Variants in B3GALT1 observed in about 807,000 individuals in gnomAD.
B3GALT1 encodes UDP-Gal:betaGlcNAc beta 1,3-galactosyltransferase, polypeptide 1.
B3GALT1 carries 10 observed loss-of-function variants against 23.2 expected under a neutral mutation model. The observed-to-expected ratio is 0.43, with a 90% CI of 0.27 to 0.73. B3GALT1 has a LOEUF of 0.73. Among genes scored for constraint, B3GALT1 ranks in the 30% least tolerant of loss-of-function variants. The probability of loss-of-function intolerance (pLI) is 0.21; values close to 1 mark genes in which losing one functional copy is unlikely to be tolerated. For synonymous variants in B3GALT1, 156 were observed against 141.5 expected (o/e 1.10, Z -0.73); for missense variants, 299 against 405.4 (o/e 0.74, Z 2.25).
chr2:167,558,031 A>G (rs575426598), intron 2 of B3GALT1: 9 of 152,322 alleles, frequency 5.9e-5, no homozygotes, highest in Admixed American at 4.6e-4. Flanking sequence ...TTGCTTCTGG[A>G]CTGGTGGTCA....
intron 1 of B3GALT1, among the ~76,000 whole-genome samples, chr2:167,385,239 C>T (rs1294669222): frequency 6.6e-6 from 1 of 152,148 alleles, no homozygotes; most frequent in East Asian, 1.9e-4. Context: ...CTTCCACCTA[C>T]TCTGTTTGTC....
At chr2:167,472,132 C>G (rs1448339510) in intron 1 of B3GALT1, among the ~76,000 whole-genome samples, 13 of 152,116 alleles carry the variant, frequency 8.5e-5, no homozygotes, top group Non-Finnish European at 5.9e-5. Context: ...ATGTTTGGCT[C>G]TTCAGGAATC....
At chr2:167,535,200 T>C (rs1030782415) in intron 2 of B3GALT1, among the ~76,000 whole-genome samples, 23 of 152,280 alleles carry the variant, frequency 1.5e-4, no homozygotes, top group Non-Finnish European at 1.9e-4. Context: ...CATAGAGTTA[T>C]AGATTTTTTT....
chr2:167,746,631 A>G (rs1687656968), intron 3 of B3GALT1, among the ~76,000 whole-genome samples: 1 of 152,266 alleles, frequency 6.6e-6, no homozygotes, highest in South Asian at 2.1e-4. Context: ...GCAATGACAA[A>G]TTGGTCATAC....
At chr2:167,482,733 G>A (rs535812232) in intron 1 of B3GALT1, among the ~76,000 whole-genome samples, 65 of 152,208 alleles carry the variant, frequency 4.3e-4, no homozygotes, top group East Asian at 5.8e-4. Context: ...CCAACTGCTA[G>A]GGAGGCTGAG....
chr2:167,563,182 GTGGTGGCC>G (rs1684049907), intron 2 of B3GALT1, among the ~76,000 whole-genome samples: 1 of 151,758 alleles, frequency 6.6e-6, no homozygotes, highest in African/African-American at 2.4e-5. Context: ...CCCAGACAGG[GTGGTGGCC>G]GGGCAGAGGG....
At chr2:167,483,154 G>A (rs960079793) in intron 1 of B3GALT1, among the ~76,000 whole-genome samples, 2 of 151,530 alleles carry the variant, frequency 1.3e-5, no homozygotes, top group African/African-American at 2.4e-5. Context: ...TTAGCTGGGC[G>A]TGGTGACGCA....
At chr2:167,309,160 G>C (rs1696598252) in intron 1 of B3GALT1, among the ~76,000 whole-genome samples, 1 of 152,056 alleles carries the variant, frequency 6.6e-6, no homozygotes, top group South Asian at 2.1e-4. Flanking sequence ...AGCAGAGACT[G>C]TTAAAAGTAA....
intron 3 of B3GALT1, among the ~76,000 whole-genome samples, chr2:167,649,583 AC>A (rs1375896969): frequency 6.6e-6 from 1 of 152,048 alleles, no homozygotes; most frequent in Non-Finnish European, 1.5e-5. Context: ...CTTTTACTTA[AC>A]ATCATGTTTT....
chr2:167,724,646 C>T (rs553291224), intron 3 of B3GALT1, among the ~76,000 whole-genome samples: 10 of 152,200 alleles, frequency 6.6e-5, no homozygotes, highest in African/African-American at 2.4e-4. Context: ...AGAAGCAATA[C>T]ATTCATTATA....
intron 3 of B3GALT1, among the ~76,000 whole-genome samples, chr2:167,758,028 C>T (rs533190268): frequency 3.0e-4 from 45 of 152,206 alleles, no homozygotes; most frequent in Non-Finnish European, 5.4e-4. Flanking sequence ...TTTAGCTTCT[C>T]TTTTAGCACT....
At chr2:167,418,975 C>T (rs1478067367) in intron 1 of B3GALT1, among the ~76,000 whole-genome samples, 6 of 152,214 alleles carry the variant, frequency 3.9e-5, no homozygotes, top group Non-Finnish European at 8.8e-5. Context: ...CACTTAGCCC[C>T]AGGCTGCTTC....
At chr2:167,406,483 C>T (rs992527153) in intron 1 of B3GALT1, among the ~76,000 whole-genome samples, 6 of 152,096 alleles carry the variant, frequency 3.9e-5, no homozygotes, top group African/African-American at 9.7e-5. Flanking sequence ...ATCCACAATG[C>T]CCCTCCCCCA....
At chr2:167,729,148 A>G (rs768756092) in intron 3 of B3GALT1, among the ~76,000 whole-genome samples, 11 of 152,198 alleles carry the variant, frequency 7.2e-5, no homozygotes, top group Admixed American at 1.3e-4. Context: ...ATGATGGGGA[A>G]AGTCCTGGAC....
chr2:167,740,583 A>G (rs1447017659), intron 3 of B3GALT1, among the ~76,000 whole-genome samples: 3 of 152,206 alleles, frequency 2.0e-5, no homozygotes, highest in Admixed American at 1.3e-4. Flanking sequence ...CATTATAGGA[A>G]TGGCCCACAT....
chr2:167,531,910 A>C (rs1015098569), intron 2 of B3GALT1, among the ~76,000 whole-genome samples: 3 of 152,100 alleles, frequency 2.0e-5, no homozygotes, highest in Admixed American at 1.3e-4. Flanking sequence ...AAAACATTTA[A>C]ATTATTTTTT....
intron 2 of B3GALT1, among the ~76,000 whole-genome samples, chr2:167,609,445 C>T (rs189459535): frequency 1.3e-5 from 2 of 152,172 alleles, no homozygotes; most frequent in East Asian, 3.9e-4. Context: ...TAGGGTGGGA[C>T]GAGTGGCTCA....
chr2:167,319,581 G>A (rs1291017180), intron 1 of B3GALT1, among the ~76,000 whole-genome samples: 1 of 151,966 alleles, frequency 6.6e-6, no homozygotes, highest in Non-Finnish European at 1.5e-5. Flanking sequence ...GTTATCTGAT[G>A]GGAATGATAC....
intron 3 of B3GALT1, among the ~76,000 whole-genome samples, chr2:167,654,806 T>C (rs1275334758): frequency 6.6e-6 from 1 of 151,852 alleles, no homozygotes; most frequent in Non-Finnish European, 1.5e-5. Context: ...TCTTTCTTTT[T>C]TTTTTTTTTC....
Sources: allele counts gnomAD v4.1 joint callset (sites outside exome capture counted in the v4.1 genomes callset), GRCh38; gene constraint gnomAD v4.1.1; transcripts MANE v1.5; gene names NCBI Gene and HGNC (gene_info 2026-07-23, HGNC 2026-07-21).